TF: variants seen among roughly 807,000 people sequenced by gnomAD.
TF encodes transferrin.
In TF, 55 loss-of-function variants were observed where a neutral mutation model predicts 82.4. That is an observed-to-expected ratio of 0.67 (90% CI 0.54 to 0.84). The LOEUF (loss-of-function observed/expected upper bound fraction) is 0.84. TF is among the 40% of genes least tolerant of loss of function. TF has a pLI of 0.00. For synonymous variants in TF, 332 were observed against 332.6 expected, an observed-to-expected ratio of 1.00 and a Z score of 0.02; for missense variants, 737 against 868.4, an observed-to-expected ratio of 0.85 and a Z score of 1.90.
rs1266727092 is a variant in TF at position 133,754,633 on chromosome 3, A to C, written c.464A>C (p.Tyr155Ser). The change falls in exon 4 of 17, where the codon TAC (tyrosine) becomes TCC (serine). Residue 155 changes from tyrosine to serine, a missense_variant. Transcript: ENST00000402696. Reference sequence around the variant, plus strand: ...TGGAACATCCCCATAGGCTTACTTTACTGTGACTTACCTGAGCCACGTAAA... The same window carrying C: ...TGGAACATCCCCATAGGCTTACTTTCCTGTGACTTACCTGAGCCACGTAAA... ...AGWNIPIGLL[Y>S]CDLPEPRKPL... 1 of 1,614,158 alleles carries C rather than the reference A, an allele frequency of 6.2e-7. No individual in the cohort carries two copies. Among genetic ancestry groups the C allele is most frequent in the Admixed American group, 1.7e-5 (1 of 60,028 alleles).
chr3:133,713,760 C>T, the TF span, among the ~76,000 whole-genome samples: 5 of 152,240 alleles, frequency 3.3e-5, no homozygotes, highest in African/African-American at 1.2e-4. Context: ...GTTTATGTTG[C>T]AAGGTCTGGA....
the TF span, among the ~76,000 whole-genome samples, chr3:133,668,219 G>A: frequency 1.3e-5 from 2 of 152,196 alleles, no homozygotes; most frequent in African/African-American, 2.4e-5. Context: ...CAGAAACCTG[G>A]AGTATTCAGA....
the TF span, among the ~76,000 whole-genome samples, chr3:133,679,464 G>A: frequency 3.3e-5 from 5 of 150,906 alleles, no homozygotes; most frequent in South Asian, 2.1e-4. Context: ...TTCATCACCC[G>A]CAAAATGCCC....
the TF span, among the ~76,000 whole-genome samples, chr3:133,734,982 A>C: frequency 6.6e-6 from 1 of 152,210 alleles, no homozygotes; most frequent in African/African-American, 2.4e-5. Flanking sequence ...TAACATGTGG[A>C]TCTTCTTTGG....
At chr3:133,674,311 A>G in the TF span, among the ~76,000 whole-genome samples, 2 of 152,200 alleles carry the variant, frequency 1.3e-5, no homozygotes, top group Non-Finnish European at 2.9e-5. Context: ...CGGCCAGACT[A>G]GTGCGCTCCG....
chr3:133,751,302 G>A (rs6786290), intron 2 of TF, among the ~76,000 whole-genome samples: 14,174 of 143,466 alleles, frequency 0.099, 759 homozygotes, highest in Admixed American at 0.12. Flanking sequence ...GCGCGATCTC[G>A]ACTCACTGCA....
the TF span, among the ~76,000 whole-genome samples, chr3:133,675,424 T>C: frequency 5.3e-5 from 8 of 152,110 alleles, no homozygotes; most frequent in Admixed American, 2.0e-4. Flanking sequence ...AAGTCAAATA[T>C]CCCTAAGTTT....
chr3:133,725,727 C>G, the TF span, among the ~76,000 whole-genome samples: 1 of 152,058 alleles, frequency 6.6e-6, no homozygotes. Context: ...GCATCCCTGT[C>G]TTGTGCCAGT....
chr3:133,677,191 C>A, the TF span, among the ~76,000 whole-genome samples: 1 of 152,214 alleles, frequency 6.6e-6, no homozygotes, highest in African/African-American at 2.4e-5. Context: ...GCATCAGCAG[C>A]TTTCCCGTTT....
the TF span, among the ~76,000 whole-genome samples, chr3:133,738,550 A>G: frequency 6.6e-6 from 1 of 150,758 alleles, no homozygotes; most frequent in Non-Finnish European, 1.5e-5. Flanking sequence ...ACGTGATTGT[A>G]TATTCCGAAA....
the TF span, among the ~76,000 whole-genome samples, chr3:133,666,509 T>G: frequency 4.7e-3 from 709 of 152,294 alleles, 3 homozygotes; most frequent in African/African-American, 0.015. Flanking sequence ...GCAAATGATA[T>G]TATCGCTACA....
chr3:133,755,757 C>G, intron 5 of TF: 2 of 552,118 alleles, frequency 3.6e-6, no homozygotes, highest in South Asian at 4.0e-5. Flanking sequence ...GTCAGTGTCT[C>G]CTCTCGGTGG....
chr3:133,695,784 A>G, the TF span, among the ~76,000 whole-genome samples: 1 of 152,186 alleles, frequency 6.6e-6, no homozygotes, highest in African/African-American at 2.4e-5. Flanking sequence ...TGGGGCCATT[A>G]CTAAGTAAAA....
At chr3:133,733,112 C>T in the TF span, among the ~76,000 whole-genome samples, 13 of 152,300 alleles carry the variant, frequency 8.5e-5, no homozygotes, top group African/African-American at 2.9e-4. Flanking sequence ...GAATAAACCC[C>T]ACTTCTGGGG....
rs935380362 is a variant in TF at position 133,782,938 on chromosome 3, G to A, written c.*4318G>A. ...CCAGCTACTCAGGAGGATGGATTGA[G>A]CCTGGGAGGTCGAGGCTGCAGTGAG... On this transcript the variant is annotated 3_prime_UTR_variant, in exon 17 of 17. Coordinates refer to ENST00000402696, the MANE Select transcript of TF (RefSeq NM_001063.4). 7 of 152,188 alleles carry A rather than the reference G, an allele frequency of 4.6e-5. No individual in the cohort carries two copies. Among genetic ancestry groups the A allele is most frequent in the African/African-American group, 1.4e-4 (6 of 41,422 alleles). The allele number at this position is 152,188 out of a possible 1,614,324, so 9.4% of individuals were successfully genotyped here. A position where few individuals can be genotyped will look rare whatever the true frequency, so the allele number is the denominator to read the frequency against.
At chr3:133,777,556 T>C in intron 16 of TF, 1 of 269,758 alleles carries the variant, frequency 3.7e-6, no homozygotes, top group South Asian at 7.1e-5. Flanking sequence ...AGAGTTGCCT[T>C]GTCCAATATG....
At chr3:133,744,998 C>A (rs905628399), upstream of TF, among the ~76,000 whole-genome samples, 1 of 152,154 alleles carries the variant, frequency 6.6e-6, no homozygotes. Context: ...GCCGACCCTG[C>A]CCTTTGTTTT....
the TF span, among the ~76,000 whole-genome samples, chr3:133,738,291 T>C: frequency 6.6e-6 from 1 of 152,204 alleles, no homozygotes; most frequent in Non-Finnish European, 1.5e-5. Context: ...CGCAATAAAC[T>C]AGGTATTGAT....
At chr3:133,764,335 T>C (rs536355472) in intron 10 of TF, 60 bp downstream of exon 10, 3 of 1,384,908 alleles carry the variant, frequency 2.2e-6, no homozygotes, top group African/African-American at 1.4e-5. Flanking sequence ...AGAGAGGAGA[T>C]GGAAAAATCA....
Sources: gnomAD v4.1 joint callset for allele counts (sites outside exome capture counted in the v4.1 genomes callset) on GRCh38, gnomAD v4.1.1 for gene constraint, MANE v1.5 for transcripts, NCBI Gene and HGNC (gene_info 2026-07-23, HGNC 2026-07-21) for gene names.